Variants in PDE11A observed in about 807,000 individuals in gnomAD.
The protein encoded by PDE11A is dual 3',5'-cyclic-AMP and -GMP phosphodiesterase 11A.
In PDE11A, 100 loss-of-function variants were observed where a neutral mutation model predicts 100.5. That is an observed-to-expected ratio of 1.00 (90% CI 0.85 to 1.18). PDE11A has a LOEUF of 1.18. Ranked by LOEUF, PDE11A falls within the 50% of genes most tolerant of loss-of-function variation. The pLI, the probability that PDE11A is intolerant of heterozygous loss-of-function variation, is 0.00. For synonymous variants in PDE11A, 381 were observed against 420.8 expected (o/e 0.91, Z 1.16); for missense variants, 1,141 against 1,152.6 (o/e 0.99, Z 0.15).
chr2:177,857,435 A>G (rs953752005), intron 5 of PDE11A, among the ~76,000 whole-genome samples: 5 of 152,046 alleles, frequency 3.3e-5, no homozygotes, highest in Non-Finnish European at 5.9e-5. Flanking sequence ...TCTTTTTTCT[A>G]CTATCTCATT....
intron 9 of PDE11A, among the ~76,000 whole-genome samples, chr2:177,772,874 C>T (rs538684717): frequency 1.2e-4 from 19 of 152,256 alleles, no homozygotes; most frequent in African/African-American, 2.6e-4. Flanking sequence ...GGATTCAAGT[C>T]CTCTGTCAGA....
chr2:178,075,444 C>G (rs2087195203), upstream of PDE11A, among the ~76,000 whole-genome samples: 1 of 149,960 alleles, frequency 6.7e-6, no homozygotes, highest in African/African-American at 2.5e-5. Flanking sequence ...CCCAGCTACT[C>G]AGGAGGCTGA....
intron 2 of PDE11A, among the ~76,000 whole-genome samples, chr2:177,947,630 G>C (rs1193546568): frequency 6.6e-6 from 1 of 151,574 alleles, no homozygotes; most frequent in East Asian, 1.9e-4. Context: ...CAAACACTGC[G>C]GAAGGCCGCA....
At chr2:178,065,663 CTG>C (rs2087033754) in intron 1 of PDE11A, among the ~76,000 whole-genome samples, 1 of 152,098 alleles carries the variant, frequency 6.6e-6, no homozygotes, top group African/African-American at 2.4e-5. Flanking sequence ...TTTTTAAACA[CTG>C]TGCAAAGCTG....
intron 4 of PDE11A, among the ~76,000 whole-genome samples, chr2:177,878,311 A>G (rs2084274069): frequency 6.6e-6 from 1 of 152,068 alleles, no homozygotes; most frequent in Admixed American, 6.5e-5. Context: ...TTTCCTACCA[A>G]GTGGTAGGAT....
intron 2 of PDE11A, among the ~76,000 whole-genome samples, chr2:178,005,173 A>G (rs774065249): frequency 2.0e-5 from 3 of 151,766 alleles, no homozygotes; most frequent in Non-Finnish European, 2.9e-5. Context: ...AAAAAGAAAG[A>G]TTCTGTTGAA....
At chr2:177,633,055 T>C (rs1293096695) in intron 19 of PDE11A, among the ~76,000 whole-genome samples, 1 of 152,236 alleles carries the variant, frequency 6.6e-6, no homozygotes. Flanking sequence ...AACACAGAAG[T>C]TGTGAGATTA....
rs566282397 is a variant in PDE11A, at chr2:177,838,441, AAAAG to A, written c.1500+1806_1500+1809del. 1.6e-3 allele frequency among the ~76,000 whole-genome samples: 238 copies of A among 152,338 alleles called. 2 individuals are homozygous for A. The highest frequency in any genetic ancestry group is 2.8e-3 in the Non-Finnish European group (193 of 68,018). ...AAGCACTTAAATGAAATATTTTTTT[AAAAG>A]AAAGACAAAAGCTGTAATACTTTTT... On this transcript the variant is annotated intron_variant, in intron 6 of 19. Transcript: ENST00000286063.
intron 10 of PDE11A, among the ~76,000 whole-genome samples, chr2:177,759,587 T>A (rs2082141873): frequency 6.6e-6 from 1 of 152,210 alleles, no homozygotes. Context: ...CTCTTTTTCC[T>A]TTGAGCTTTC....
chr2:177,921,178 C>T (rs10170914), intron 2 of PDE11A, among the ~76,000 whole-genome samples: 12,902 of 150,058 alleles, frequency 0.086, 519 homozygotes, highest in South Asian at 0.1. Context: ...TCGCAAGATC[C>T]AGAAACGTAG....
intron 2 of PDE11A, among the ~76,000 whole-genome samples, chr2:177,948,059 A>G (rs2085465768): frequency 6.6e-6 from 1 of 152,008 alleles, no homozygotes; most frequent in African/African-American, 2.4e-5. Flanking sequence ...AACAGAGTCA[A>G]AATAATACTA....
chr2:177,915,783 A>C (rs2084943450), intron 2 of PDE11A, among the ~76,000 whole-genome samples: 1 of 152,242 alleles, frequency 6.6e-6, no homozygotes, highest in Admixed American at 6.5e-5. Context: ...GCTGTCTTCC[A>C]AAGTGGCTGT....
intron 19 of PDE11A, among the ~76,000 whole-genome samples, chr2:177,642,506 G>A (rs2080158847): frequency 6.6e-6 from 1 of 152,208 alleles, no homozygotes; most frequent in Non-Finnish European, 1.5e-5. Flanking sequence ...CCTGTTTAAG[G>A]ACATGGTCAT....
intron 12 of PDE11A, among the ~76,000 whole-genome samples, chr2:177,724,172 A>T (rs1459282801): frequency 6.6e-6 from 1 of 152,122 alleles, no homozygotes; most frequent in Non-Finnish European, 1.5e-5. Flanking sequence ...ATATCTTTTT[A>T]AAAACAAAGA....
At chr2:177,744,247 T>C (rs989970429) in intron 10 of PDE11A, among the ~76,000 whole-genome samples, 5 of 152,006 alleles carry the variant, frequency 3.3e-5, no homozygotes, top group Non-Finnish European at 5.9e-5. Flanking sequence ...AGACATGCTC[T>C]AGTGACCTTG....
intron 14 of PDE11A, among the ~76,000 whole-genome samples, chr2:177,700,420 T>G (rs1373550635): frequency 7.1e-6 from 1 of 140,794 alleles, no homozygotes; most frequent in African/African-American, 2.9e-5. Context: ...AAAAAAAAAG[T>G]CTGTACGCTT....
intron 19 of PDE11A, among the ~76,000 whole-genome samples, chr2:177,659,762 T>C (rs569407986): frequency 1.8e-4 from 27 of 151,926 alleles, no homozygotes; most frequent in African/African-American, 6.5e-4. Context: ...ATTGTGTCTT[T>C]TTTTCTTCCT....
intron 13 of PDE11A, among the ~76,000 whole-genome samples, chr2:177,711,303 T>C (rs1191666721): frequency 6.6e-6 from 1 of 152,226 alleles, no homozygotes; most frequent in Non-Finnish European, 1.5e-5. Context: ...TGAACGTGGC[T>C]TTATTTTACT....
chr2:177,950,552 G>A lies in PDE11A; in HGVS notation c.1072-45365C>T, dbSNP rs151031979. On this transcript the variant is annotated intron_variant, in intron 2 of 19. Coordinates refer to ENST00000286063, the MANE Select transcript of PDE11A (RefSeq NM_016953.4). The stretch of plus-strand genomic sequence containing the variant: ...AGTCTAGCCTAGGAGAGAATGAGGG[G>A]CAGAGATTTTCAGGATGGGGAGAAA... 7.6e-3 allele frequency among the ~76,000 whole-genome samples: 1,152 copies of A among 152,226 alleles called. 16 individuals carry two copies. Among genetic ancestry groups the A allele is most frequent in the African/African-American group, 0.026 (1,064 of 41,510 alleles).
Sources: allele counts gnomAD v4.1 joint callset (sites outside exome capture counted in the v4.1 genomes callset), GRCh38; gene constraint gnomAD v4.1.1; transcripts MANE v1.5; gene names NCBI Gene and HGNC (gene_info 2026-07-23, HGNC 2026-07-21).